PCDH11X: variants seen among roughly 807,000 people sequenced by gnomAD.
PCDH11X encodes the protein protocadherin-11 X-linked.
A neutral mutation model predicts 53.3 loss-of-function variants in PCDH11X; 18 were observed. That is an observed-to-expected ratio of 0.34 (90% CI 0.23 to 0.50). The LOEUF (loss-of-function observed/expected upper bound fraction) is 0.50, where lower values mean the gene tolerates loss of function less well. Ranked by LOEUF, PCDH11X falls within the 20% of genes least tolerant of loss-of-function variation. The pLI is 0.98. For synonymous variants in PCDH11X, 279 were observed against 393.3 expected (o/e 0.71, Z 3.44); for missense variants, 570 against 1,032.4 (o/e 0.55, Z 6.14).
At chrX:92,143,029 C>T (rs1213563944) in intron 6 of PCDH11X, among the ~76,000 whole-genome samples, 5 of 111,335 alleles carry the variant, frequency 4.5e-5, no homozygotes, top group African/African-American at 1.6e-4. Flanking sequence ...GTAATCCTAG[C>T]ATTTTGGGAG....
chrX:92,201,355 T>A lies in PCDH11X; in HGVS notation c.3034-20T>A, dbSNP rs750171401. 3 of 1,187,941 alleles carry A rather than the reference T, an allele frequency of 2.5e-6. No homozygotes were observed. Among genetic ancestry groups the A allele is most frequent in the Non-Finnish European group, 3.4e-6 (3 of 879,234 alleles). On this transcript the variant is annotated intron_variant, in intron 6 of 10. Coordinates refer to ENST00000682573, the MANE Select transcript of PCDH11X (RefSeq NM_032968.5). ...TTTAACAAACAGCTTAAAATACTTCTATTTTCTTCCCTTCTAAAGCCAATG... is the reference window on the plus strand; with the variant it reads ...TTTAACAAACAGCTTAAAATACTTCAATTTTCTTCCCTTCTAAAGCCAATG...
chrX:92,297,934 T>G (rs1041973453), intron 8 of PCDH11X, among the ~76,000 whole-genome samples: 8 of 108,658 alleles, frequency 7.4e-5, no homozygotes, highest in African/African-American at 2.7e-4. Flanking sequence ...ATTCTTTATT[T>G]GGCTCCCAGC....
At chrX:92,249,943 C>CT (rs1194758811) in intron 7 of PCDH11X, among the ~76,000 whole-genome samples, 1 of 111,146 alleles carries the variant, frequency 9.0e-6, no homozygotes, top group Non-Finnish European at 1.9e-5. Context: ...TTCCAATTGT[C>CT]TTTTTTTCGG....
intron 6 of PCDH11X, among the ~76,000 whole-genome samples, chrX:91,886,707 C>T (rs1220160179): frequency 9.1e-6 from 1 of 109,807 alleles, no homozygotes; most frequent in Non-Finnish European, 1.9e-5. Context: ...CGCGGTGGCT[C>T]ATGCCTGTAT....
chrX:92,216,363 T>A (rs1384051093), intron 7 of PCDH11X, among the ~76,000 whole-genome samples: 3 of 106,231 alleles, frequency 2.8e-5, no homozygotes, highest in Non-Finnish European at 5.8e-5. Context: ...TTAAAGGAGC[T>A]GATGGAGCTG....
At position 92,007,793 on chromosome X, in the gene PCDH11X, A is replaced by T. The variant is rs111892779; in HGVS notation, c.3033+128520A>T. Among the ~76,000 whole-genome samples, 771 of 111,779 alleles carry T rather than the reference A, an allele frequency of 6.9e-3. 4 individuals carry two copies. The highest frequency in any genetic ancestry group is 0.024 in the African/African-American group (727 of 30,763). On this transcript the variant is annotated intron_variant, in intron 6 of 10. Coordinates refer to ENST00000682573, the MANE Select transcript of PCDH11X (RefSeq NM_032968.5). Reference sequence around the variant, plus strand: ...CAGCCCATCTCAGAGAATGACCAAGACCCTCAATGTAGTACCTGGGTATTG... The same window carrying T: ...CAGCCCATCTCAGAGAATGACCAAGTCCCTCAATGTAGTACCTGGGTATTG...
intron 8 of PCDH11X, among the ~76,000 whole-genome samples, chrX:92,337,045 T>C (rs1400887884): frequency 9.0e-6 from 1 of 110,638 alleles, no homozygotes; most frequent in East Asian, 2.9e-4. Context: ...CTTCACACAG[T>C]GAATTTATAC....
chrX:92,376,873 C>T (rs1172589736), intron 8 of PCDH11X, among the ~76,000 whole-genome samples: 1 of 111,766 alleles, frequency 8.9e-6, no homozygotes, highest in African/African-American at 3.2e-5. Flanking sequence ...GTTCTAACTC[C>T]TGACCCTTAT....
chrX:92,024,815 G>C (rs1355705545), intron 6 of PCDH11X, among the ~76,000 whole-genome samples: 2 of 105,971 alleles, frequency 1.9e-5, no homozygotes, highest in Admixed American at 1.0e-4. Flanking sequence ...GCAAAACTTC[G>C]TGGTACTGAC....
intron 6 of PCDH11X, among the ~76,000 whole-genome samples, chrX:91,935,228 G>A (rs1327634341): frequency 2.7e-5 from 3 of 109,235 alleles, no homozygotes; most frequent in African/African-American, 9.9e-5. Flanking sequence ...ATATGCAAGT[G>A]AGGAACAATA....
In PCDH11X at chrX:92,176,140, A is replaced by G. The variant is rs141198251; in HGVS notation, c.3034-25235A>G. On this transcript the variant is annotated intron_variant, in intron 6 of 10. Coordinates refer to ENST00000682573, the MANE Select transcript of PCDH11X (RefSeq NM_032968.5). ...GAGAGCAACTGACATATGGTGCATCATTGGAATGCCACCTTTGTTTCCATG... is the reference window on the plus strand; with the variant it reads ...GAGAGCAACTGACATATGGTGCATCGTTGGAATGCCACCTTTGTTTCCATG... Among the ~76,000 whole-genome samples the G allele has an allele frequency of 4.8e-3, 531 of 111,478 alleles. 1 individual carries two copies. The highest frequency in any genetic ancestry group is 6.5e-3 in the Non-Finnish European group (345 of 53,112).
chrX:91,899,303 G>A (rs1209655629), intron 6 of PCDH11X, among the ~76,000 whole-genome samples: 4 of 111,007 alleles, frequency 3.6e-5, no homozygotes, highest in Non-Finnish European at 7.5e-5. Context: ...GGAGAGAGAT[G>A]TAGGCTGGAA....
chrX:92,247,992 T>A (rs2067383271), intron 7 of PCDH11X, among the ~76,000 whole-genome samples: 2 of 109,183 alleles, frequency 1.8e-5, no homozygotes, highest in African/African-American at 6.8e-5. Context: ...TGGAAAAAAA[T>A]GAGTGGCTTT....
rs1234868956 is a variant in PCDH11X, at chrX:92,587,823, G to A, written c.3368-30441G>A. ...TTCCATCTTCTCAGTGTACTCCATT[G>A]ATGTGTGTGTTGCCAGAATTTTTGT... On this transcript the variant is annotated intron_variant, in intron 10 of 10. Transcript: ENST00000682573. 4.6e-5 allele frequency among the ~76,000 whole-genome samples: 5 copies of A among 109,256 alleles called. No individual in the cohort carries two copies. The South Asian group carries it at 1.2e-3, about 26-fold the overall frequency. The allele number at this position is 109,256 out of a possible 115,157, so 94.9% of individuals were successfully genotyped here.
At chrX:91,968,174 A>T (rs2061894080) in intron 6 of PCDH11X, among the ~76,000 whole-genome samples, 1 of 112,069 alleles carries the variant, frequency 8.9e-6, no homozygotes, top group Non-Finnish European at 1.9e-5. Flanking sequence ...TTAAAATTTG[A>T]TTACACAACA....
intron 6 of PCDH11X, among the ~76,000 whole-genome samples, chrX:92,068,900 A>G (rs891649250): frequency 4.5e-5 from 5 of 111,004 alleles, no homozygotes; most frequent in African/African-American, 1.6e-4. Flanking sequence ...GACTTATTAT[A>G]TGGTCTGTCA....
intron 5 of PCDH11X, among the ~76,000 whole-genome samples, chrX:91,865,830 A>T (rs1331218218): frequency 1.8e-5 from 2 of 111,671 alleles, no homozygotes; most frequent in East Asian, 5.7e-4. Flanking sequence ...TATTCCCTTA[A>T]GACCCAAAGG....
At chrX:92,070,341 G>T (rs931849707) in intron 6 of PCDH11X, among the ~76,000 whole-genome samples, 3 of 111,215 alleles carry the variant, frequency 2.7e-5, no homozygotes, top group Non-Finnish European at 5.7e-5. Context: ...TTTCCCTTTA[G>T]TATTTCTTAT....
At chrX:92,460,788 A>T in intron 9 of PCDH11X, 1 of 1,159,107 alleles carries the variant, frequency 8.6e-7, no homozygotes, top group East Asian at 3.0e-5. Context: ...GGAGGCTGAG[A>T]TCGCCACCTA....
Sources: allele counts gnomAD v4.1 joint callset (sites outside exome capture counted in the v4.1 genomes callset), GRCh38; gene constraint gnomAD v4.1.1; transcripts MANE v1.5; gene names NCBI Gene and HGNC (gene_info 2026-07-23, HGNC 2026-07-21).